Variants in SLC25A13 observed in about 807,000 individuals in gnomAD.
SLC25A13 encodes solute carrier family 25 member 13.
In SLC25A13, 70 loss-of-function variants were observed where a neutral mutation model predicts 85.5. The observed-to-expected ratio is 0.82, with a 90% confidence interval of 0.68 to 1.00. SLC25A13 has a LOEUF of 1.00. Ranked by LOEUF, SLC25A13 falls within the 50% of genes least tolerant of loss-of-function variation. The probability of loss-of-function intolerance (pLI) is 0.00; values close to 1 mark genes in which losing one functional copy is unlikely to be tolerated. For missense variants in SLC25A13, 765 were observed against 819.8 expected (o/e 0.93, Z 0.82); for synonymous variants, 259 against 288.7 (o/e 0.90, Z 1.04).
chr7:96,206,770 G>T (rs1374017788), intron 5 of SLC25A13, among the ~76,000 whole-genome samples: 1 of 152,116 alleles, frequency 6.6e-6, no homozygotes, highest in Non-Finnish European at 1.5e-5. Context: ...CATAACCATA[G>T]TCCCTGAGTT....
At chr7:96,171,613 A>T (rs1794006707) in intron 11 of SLC25A13, 89 bp from the exon 12 acceptor site, 1 of 1,118,410 alleles carries the variant, frequency 8.9e-7, no homozygotes, top group Non-Finnish European at 1.3e-6. Context: ...TACCACTTAA[A>T]AACTGCTTAA....
intron 4 of SLC25A13, among the ~76,000 whole-genome samples, chr7:96,212,734 A>G (rs557171880): frequency 1.3e-5 from 2 of 152,328 alleles, no homozygotes; most frequent in Admixed American, 1.3e-4. Context: ...ATCACCTGCC[A>G]GCAGCAAACA....
At chr7:96,133,464 C>A (rs1265204759) in intron 14 of SLC25A13, among the ~76,000 whole-genome samples, 1 of 152,162 alleles carries the variant, frequency 6.6e-6, no homozygotes, top group African/African-American at 2.4e-5. Flanking sequence ...TCAGAGGGCA[C>A]CCTGGAGGTA....
intron 14 of SLC25A13, among the ~76,000 whole-genome samples, chr7:96,145,237 A>C (rs1220036550): frequency 6.6e-6 from 1 of 152,140 alleles, no homozygotes; most frequent in Admixed American, 6.5e-5. Context: ...CCCAGAAAAG[A>C]GGGCATCACT....
At chr7:96,241,799 T>C (rs1361942674) in intron 3 of SLC25A13, among the ~76,000 whole-genome samples, 1 of 152,012 alleles carries the variant, frequency 6.6e-6, no homozygotes, top group East Asian at 1.9e-4. Flanking sequence ...TATAAGAGAT[T>C]TGGGGAGAGG....
At position 96,191,157 on chromosome 7, in the gene SLC25A13, T is replaced by A; in HGVS notation, c.706A>T (p.Ile236Phe). The change falls in exon 7 of 18, where the codon ATC (isoleucine) becomes TTC (phenylalanine). Residue 236 changes from isoleucine (I) to phenylalanine (F), a missense_variant. Ile to Phe is a conservative substitution (Grantham distance 21, BLOSUM62 0). Transcript: ENST00000265631. The part of the protein sequence containing the change: ...LLNNMELIRK[I>F]YSTLAGTRKD... ...CTGGTGCCAGCCAGAGTGCTATAGA[T>A]CTTTCTAATGAGTTCCATGTTGTTA... 6.2e-7 allele frequency: 1 copy of A among 1,614,128 alleles called. No homozygotes were observed. Among genetic ancestry groups the A allele is most frequent in the Non-Finnish European group, 8.5e-7 (1 of 1,179,998 alleles).
chr7:96,289,616 A>T (rs1272412452), intron 2 of SLC25A13, among the ~76,000 whole-genome samples: 6 of 152,244 alleles, frequency 3.9e-5, no homozygotes, highest in Non-Finnish European at 8.8e-5. Flanking sequence ...ACAAATGCAC[A>T]AGCTTCAGTA....
chr7:96,232,663 A>C (rs1035482997), intron 4 of SLC25A13, among the ~76,000 whole-genome samples: 2 of 136,422 alleles, frequency 1.5e-5, no homozygotes, highest in African/African-American at 2.6e-5. Context: ...AAAAAAAAAA[A>C]AACAGAAAAT....
At chr7:96,142,797 C>T (rs1792620731) in intron 14 of SLC25A13, among the ~76,000 whole-genome samples, 1 of 152,102 alleles carries the variant, frequency 6.6e-6, no homozygotes, top group South Asian at 2.1e-4. Context: ...ATCAATCTCT[C>T]TTTGAGATAA....
chr7:96,289,778 G>A (rs1282588971), intron 2 of SLC25A13, among the ~76,000 whole-genome samples: 2 of 152,206 alleles, frequency 1.3e-5, no homozygotes, highest in African/African-American at 2.4e-5. Flanking sequence ...CCAAATCTAT[G>A]TCTGACTGGT....
rs754344364 is a variant in SLC25A13 at position 96,322,007 on chromosome 7, C to T, written c.-51G>A. 2.3e-5 allele frequency: 35 copies of T among 1,531,450 alleles called. No homozygotes were observed. The highest frequency in any genetic ancestry group is 3.1e-5 in the Non-Finnish European group (35 of 1,139,642). The allele number at this position is 1,531,450 out of a possible 1,614,324, so 94.9% of individuals were successfully genotyped here. A position where few individuals can be genotyped will look rare whatever the true frequency, so the allele number is the denominator to read the frequency against. On this transcript the variant is annotated 5_prime_UTR_variant, in exon 1 of 18. Transcript: ENST00000265631. ...CGGGACCCACTGACTGGCTGGCTGG[C>T]GTTTGGGACCCGGGCGGCTCACTTC...
intron 5 of SLC25A13, among the ~76,000 whole-genome samples, chr7:96,194,674 G>A (rs918935679): frequency 6.6e-6 from 1 of 152,002 alleles, no homozygotes; most frequent in African/African-American, 2.4e-5. Context: ...TAAAGTACTC[G>A]ATCTTCCTTT....
chr7:96,134,544 C>A (rs957562051), intron 14 of SLC25A13, among the ~76,000 whole-genome samples: 2 of 151,828 alleles, frequency 1.3e-5, no homozygotes, highest in African/African-American at 4.8e-5. Context: ...TATAAACATC[C>A]CTGAGGCACA....
chr7:96,229,554 TGC>T (rs1562861586), intron 4 of SLC25A13, among the ~76,000 whole-genome samples: 8 of 152,216 alleles, frequency 5.3e-5, no homozygotes, highest in African/African-American at 1.7e-4. Flanking sequence ...TAAATCTTGC[TGC>T]TGCTCACTCT....
At position 96,171,111 on chromosome 7, in the gene SLC25A13, G is replaced by A. The variant is rs147476567; in HGVS notation, c.1230+361C>T. Reference sequence around the variant, plus strand: ...GAACACAGGTATGCTACTTAAGCCCGATAGGCCTCAGTTTCCTTATCCGTA... The same window carrying A: ...GAACACAGGTATGCTACTTAAGCCCAATAGGCCTCAGTTTCCTTATCCGTA... On this transcript the variant is annotated intron_variant, in intron 12 of 17. Coordinates refer to ENST00000265631, the MANE Select transcript of SLC25A13 (RefSeq NM_014251.3). Among the ~76,000 whole-genome samples the A allele has an allele frequency of 2.5e-4, 38 of 152,306 alleles. No individual in the cohort carries two copies. The East Asian group carries it at 6.0e-3, about 24-fold the overall frequency.
chr7:96,190,968 A>G lies in SLC25A13; in HGVS notation c.754+141T>C, dbSNP rs533737362. 23 of 1,090,568 alleles carry G rather than the reference A, an allele frequency of 2.1e-5. No individual in the cohort carries two copies. The African/African-American group carries it at 3.6e-4, about 17-fold the overall frequency. 67.6% of individuals were successfully genotyped at this position (1,090,568 alleles called of 1,614,324 possible). A position where few individuals can be genotyped will look rare whatever the true frequency, so the allele number is the denominator to read the frequency against. On this transcript the variant is annotated intron_variant, in intron 7 of 17. Coordinates refer to ENST00000265631, the MANE Select transcript of SLC25A13 (RefSeq NM_014251.3). ...TTGTTTGCTTTTGTTTGTCTGATCA[A>G]AGGATGAAAAACACACGTTATCATA...
At chr7:96,239,911 A>G (rs1215307423) in intron 3 of SLC25A13, among the ~76,000 whole-genome samples, 1 of 152,246 alleles carries the variant, frequency 6.6e-6, no homozygotes, top group Non-Finnish European at 1.5e-5. Context: ...AGCACTGCGT[A>G]GTACTATAAA....
chr7:96,154,006 C>T (rs1793151861), intron 13 of SLC25A13, among the ~76,000 whole-genome samples: 1 of 152,062 alleles, frequency 6.6e-6, no homozygotes, highest in South Asian at 2.1e-4. Flanking sequence ...GTCACTTGGG[C>T]TATAAATTTA....
chr7:96,282,863 C>T (rs1333576523), intron 2 of SLC25A13, among the ~76,000 whole-genome samples: 2 of 152,150 alleles, frequency 1.3e-5, no homozygotes, highest in African/African-American at 4.8e-5. Context: ...AAACATATTG[C>T]TCTATTTATT....
Sources: allele counts gnomAD v4.1 joint callset (sites outside exome capture counted in the v4.1 genomes callset), GRCh38; gene constraint gnomAD v4.1.1; transcripts MANE v1.5; gene names NCBI Gene and HGNC (gene_info 2026-07-23, HGNC 2026-07-21).